Variants in ACCSL observed in about 807,000 individuals in gnomAD.
ACCSL encodes 1-aminocyclopropane-1-carboxylate synthase homolog (inactive) like.
In ACCSL, 55 loss-of-function variants were observed where a neutral mutation model predicts 61.7. The observed-to-expected ratio is 0.89, with a 90% CI of 0.72 to 1.12. The LOEUF (loss-of-function observed/expected upper bound fraction) is 1.12. Among genes scored for constraint, ACCSL ranks in the 50% most tolerant of loss-of-function variants. The probability of loss-of-function intolerance (pLI) is 0.00; values close to 1 mark genes in which losing one functional copy is unlikely to be tolerated. For missense variants in ACCSL, 632 were observed against 698.0 expected, an observed-to-expected ratio of 0.91 and a Z score of 1.07; for synonymous variants, 258 against 264.3, an observed-to-expected ratio of 0.98 and a Z score of 0.23.
chr11:43,951,223 C>T, the ACCSL span, among the ~76,000 whole-genome samples: 1 of 152,146 alleles, frequency 6.6e-6, no homozygotes, highest in South Asian at 2.1e-4. Context: ...ACCTAGAAAC[C>T]TGGGGCCTTA....
chr11:43,975,930 T>C, the ACCSL span, among the ~76,000 whole-genome samples: 2 of 152,248 alleles, frequency 1.3e-5, no homozygotes, highest in East Asian at 3.9e-4. Context: ...ATTAATTAAT[T>C]AATTAATTGC....
At chr11:43,971,919 A>G in the ACCSL span, among the ~76,000 whole-genome samples, 7 of 152,296 alleles carry the variant, frequency 4.6e-5, no homozygotes, top group South Asian at 8.3e-4. Context: ...CTGGTCCTTG[A>G]CTTTCACTAT....
At chr11:44,023,041 CTTTTTTTTTTTT>C in the ACCSL span, among the ~76,000 whole-genome samples, 10 of 86,452 alleles carry the variant, frequency 1.2e-4, no homozygotes, top group Admixed American at 4.2e-4. Context: ...TCTTCTTCTT[CTTTTTTTTTTTT>C]TTTTTTTTTC....
the ACCSL span, among the ~76,000 whole-genome samples, chr11:43,957,569 G>A: frequency 1.3e-5 from 2 of 152,126 alleles, no homozygotes; most frequent in Admixed American, 1.3e-4. Context: ...AAGGGAAGGA[G>A]ATTCTCTATA....
At chr11:43,959,766 G>A in the ACCSL span, among the ~76,000 whole-genome samples, 1 of 152,158 alleles carries the variant, frequency 6.6e-6, no homozygotes, top group Admixed American at 6.5e-5. Context: ...TAGAGACCAG[G>A]CATTCAGCCT....
chr11:44,025,353 G>T, the ACCSL span, among the ~76,000 whole-genome samples: 1 of 151,080 alleles, frequency 6.6e-6, no homozygotes, highest in South Asian at 2.1e-4. Context: ...GGTTGCCCTG[G>T]GAATTACAAT....
At chr11:43,974,622 C>T in the ACCSL span, among the ~76,000 whole-genome samples, 1 of 152,158 alleles carries the variant, frequency 6.6e-6, no homozygotes, top group Non-Finnish European at 1.5e-5. Context: ...CTTAAGGATC[C>T]CTGCATGCTG....
At chr11:43,967,318 C>A in the ACCSL span, among the ~76,000 whole-genome samples, 1 of 151,842 alleles carries the variant, frequency 6.6e-6, no homozygotes, top group Non-Finnish European at 1.5e-5. Flanking sequence ...GCTGGGATTA[C>A]AGGCACCTGT....
the ACCSL span, among the ~76,000 whole-genome samples, chr11:43,922,779 G>C: frequency 1.3e-5 from 2 of 152,168 alleles, no homozygotes; most frequent in East Asian, 3.9e-4. Flanking sequence ...GACCCTGAAT[G>C]ACACCCAAAC....
chr11:44,035,936 T>TAAAAAAA, the ACCSL span, among the ~76,000 whole-genome samples: 2 of 79,074 alleles, frequency 2.5e-5, no homozygotes, highest in Non-Finnish European at 4.9e-5. Context: ...AGACTCTGTG[T>TAAAAAAA]AAAAAAAAAA....
chr11:43,928,396 G>A, the ACCSL span, among the ~76,000 whole-genome samples: 15 of 152,186 alleles, frequency 9.9e-5, no homozygotes, highest in Non-Finnish European at 1.5e-4. Flanking sequence ...ACTCAGCTAC[G>A]AGGTCAGCAT....
At chr11:44,003,520 G>A in the ACCSL span, among the ~76,000 whole-genome samples, 1 of 152,012 alleles carries the variant, frequency 6.6e-6, no homozygotes, top group African/African-American at 2.4e-5. Flanking sequence ...GGGTGTGGTG[G>A]TGCATGCCTG....
At chr11:44,003,000 T>C in the ACCSL span, among the ~76,000 whole-genome samples, 3 of 152,120 alleles carry the variant, frequency 2.0e-5, no homozygotes, top group Non-Finnish European at 4.4e-5. Flanking sequence ...GCAGCTGCAT[T>C]CGTGATGTTT....
At chr11:43,998,916 C>T in the ACCSL span, among the ~76,000 whole-genome samples, 1 of 152,160 alleles carries the variant, frequency 6.6e-6, no homozygotes, top group Non-Finnish European at 1.5e-5. Context: ...TGCACCATCA[C>T]ACCAGGCTAA....
chr11:44,005,440 A>G, the ACCSL span, among the ~76,000 whole-genome samples: 1 of 152,082 alleles, frequency 6.6e-6, no homozygotes, highest in East Asian at 1.9e-4. Context: ...GGAGGGGAGC[A>G]CTGAGGGCAG....
At chr11:43,955,987 A>C in the ACCSL span, among the ~76,000 whole-genome samples, 5 of 151,456 alleles carry the variant, frequency 3.3e-5, no homozygotes, top group Non-Finnish European at 7.4e-5. Context: ...AATTTAAAGG[A>C]GTTTAATTGA....
the ACCSL span, among the ~76,000 whole-genome samples, chr11:43,988,830 T>G: frequency 9.3e-6 from 1 of 107,596 alleles, no homozygotes; most frequent in African/African-American, 3.8e-5. Flanking sequence ...TTTTTTTTTT[T>G]TGGAGACAGG....
intron 13 of ACCSL, among the ~76,000 whole-genome samples, chr11:44,059,038 C>A (rs1952690192): frequency 6.6e-6 from 1 of 151,996 alleles, no homozygotes; most frequent in Non-Finnish European, 1.5e-5. Flanking sequence ...GTCAGGAGTT[C>A]CAGACCAGCC....
chr11:43,969,472 AG>A, the ACCSL span, among the ~76,000 whole-genome samples: 1 of 152,220 alleles, frequency 6.6e-6, no homozygotes, highest in African/African-American at 2.4e-5. Context: ...AAGATTAGTG[AG>A]GTAGTATATG....
Sources: gnomAD v4.1 joint callset for allele counts (sites outside exome capture counted in the v4.1 genomes callset) on GRCh38, gnomAD v4.1.1 for gene constraint, MANE v1.5 for transcripts, NCBI Gene and HGNC (gene_info 2026-07-23, HGNC 2026-07-21) for gene names.